The following FNDC3A variants were observed in gnomAD, a reference collection of about 807,000 sequenced individuals.
The protein encoded by FNDC3A is fibronectin type III domain containing 3A, also known as fibronectin type-III domain-containing protein 3A.
FNDC3A carries 32 observed loss-of-function variants against 148.9 expected under a neutral mutation model. The observed-to-expected ratio is 0.21, with a 90% CI of 0.16 to 0.29. The LOEUF (loss-of-function observed/expected upper bound fraction) is 0.29, where lower values mean the gene tolerates loss of function less well. Ranked by LOEUF, FNDC3A falls within the 10% of genes least tolerant of loss-of-function variation. The pLI is 1.00. For synonymous variants in FNDC3A, 472 were observed against 473.6 expected (o/e 1.00, Z 0.04); for missense variants, 1,191 against 1,452.8 (o/e 0.82, Z 2.93).
At chr13:49,013,532 A>C (rs1176552310) in intron 2 of FNDC3A, among the ~76,000 whole-genome samples, 2 of 151,460 alleles carry the variant, frequency 1.3e-5, no homozygotes, top group African/African-American at 2.4e-5. Context: ...GTATACATGT[A>C]TATACGTGTA....
chr13:49,057,496 T>G (rs575319897), intron 2 of FNDC3A, among the ~76,000 whole-genome samples: 39 of 152,300 alleles, frequency 2.6e-4, no homozygotes, highest in African/African-American at 7.7e-4. Flanking sequence ...CATTTCCTCT[T>G]TGTTCTTAGC....
At chr13:49,171,008 A>G (rs1292744230) in intron 10 of FNDC3A, among the ~76,000 whole-genome samples, 3 of 152,064 alleles carry the variant, frequency 2.0e-5, no homozygotes, top group Admixed American at 6.6e-5. Flanking sequence ...CTCTTCCTCT[A>G]TATCATAAGA....
chr13:48,992,662 A>G (rs1218243854), intron 1 of FNDC3A, among the ~76,000 whole-genome samples: 2 of 152,194 alleles, frequency 1.3e-5, no homozygotes, highest in African/African-American at 4.8e-5. Context: ...TTTATGTGTC[A>G]AAATTTATCA....
intron 23 of FNDC3A, among the ~76,000 whole-genome samples, chr13:49,200,185 T>G (rs1288647341): frequency 1.3e-5 from 2 of 152,236 alleles, no homozygotes; most frequent in Non-Finnish European, 2.9e-5. Context: ...TTCCCAAGAT[T>G]TACTTTTCTG....
rs537713519 is a variant in FNDC3A, at chr13:49,162,555, T to C, written c.978-4689T>C. Among the ~76,000 whole-genome samples the C allele has an allele frequency of 3.5e-3, 539 of 152,306 alleles. 17 individuals are homozygous for C. The highest frequency in any genetic ancestry group is 7.5e-4 in the Non-Finnish European group (51 of 68,014). ...AGCTTCCTTGTGACGGGTTCAAACA[T>C]CTTCCTTTAGCTTGGAGAAGTTTGT... On this transcript the variant is annotated intron_variant, in intron 8 of 25. Coordinates refer to ENST00000492622, the MANE Select transcript of FNDC3A (RefSeq NM_001079673.2).
At chr13:48,983,567 A>G (rs1951734345) in intron 1 of FNDC3A, among the ~76,000 whole-genome samples, 1 of 152,226 alleles carries the variant, frequency 6.6e-6, no homozygotes, top group Non-Finnish European at 1.5e-5. Flanking sequence ...ACTAGGCAGC[A>G]GACCAGATTT....
intron 2 of FNDC3A, among the ~76,000 whole-genome samples, chr13:49,047,659 A>T (rs932269001): frequency 6.6e-6 from 1 of 151,346 alleles, no homozygotes; most frequent in Non-Finnish European, 1.5e-5. Context: ...TTTCTTGCTG[A>T]TTTGTTTGAG....
chr13:49,099,346 A>C (rs182347093), intron 3 of FNDC3A, among the ~76,000 whole-genome samples: 18 of 152,216 alleles, frequency 1.2e-4, no homozygotes, highest in Non-Finnish European at 2.9e-5. Flanking sequence ...TGCCAGAAGC[A>C]AGTCTTAATT....
intron 4 of FNDC3A, among the ~76,000 whole-genome samples, chr13:49,124,716 G>A (rs1233494647): frequency 6.6e-6 from 1 of 152,160 alleles, no homozygotes; most frequent in Non-Finnish European, 1.5e-5. Context: ...GCAGAAATAT[G>A]TGCCAGTGGA....
intron 2 of FNDC3A, among the ~76,000 whole-genome samples, chr13:49,026,795 T>G (rs1156382087): frequency 6.6e-6 from 1 of 152,180 alleles, no homozygotes; most frequent in African/African-American, 2.4e-5. Context: ...AGTTTTAGAT[T>G]TGAGGTAATA....
chr13:49,162,252 C>T (rs1247515069), intron 8 of FNDC3A, among the ~76,000 whole-genome samples: 1 of 152,164 alleles, frequency 6.6e-6, no homozygotes, highest in Middle Eastern at 3.2e-3. Context: ...ACCAATGAGA[C>T]GTAGATTTGG....
intron 2 of FNDC3A, among the ~76,000 whole-genome samples, chr13:49,040,171 T>C (rs61950728): frequency 0.02 from 3,072 of 152,342 alleles, 48 homozygotes; most frequent in Middle Eastern, 0.041. Context: ...CAAAGACATG[T>C]TTTAAGCATA....
chr13:49,085,795 G>A (rs1371431995), intron 3 of FNDC3A, among the ~76,000 whole-genome samples: 2 of 151,882 alleles, frequency 1.3e-5, no homozygotes, highest in African/African-American at 2.4e-5. Context: ...AGAAAACAGA[G>A]TTTAGCTTAG....
At chr13:49,030,187 A>G (rs1874006056) in intron 2 of FNDC3A, among the ~76,000 whole-genome samples, 1 of 152,216 alleles carries the variant, frequency 6.6e-6, no homozygotes, top group Non-Finnish European at 1.5e-5. Flanking sequence ...ATTTTACTTC[A>G]TTATGTACAT....
intron 3 of FNDC3A, among the ~76,000 whole-genome samples, chr13:49,091,586 G>A (rs1879194605): frequency 1.3e-5 from 2 of 152,210 alleles, no homozygotes; most frequent in African/African-American, 4.8e-5. Flanking sequence ...CTTCAAGAAT[G>A]TCCTAGAAAG....
chr13:49,168,781 T>A (rs1327105169), intron 10 of FNDC3A, 30 bp downstream of exon 10: 3 of 1,598,320 alleles, frequency 1.9e-6, no homozygotes, highest in South Asian at 1.1e-5. Flanking sequence ...TGTTTCCAAC[T>A]GGACATGTGT....
intron 6 of FNDC3A, among the ~76,000 whole-genome samples, chr13:49,138,246 C>T (rs543943681): frequency 6.6e-5 from 10 of 152,076 alleles, no homozygotes; most frequent in Non-Finnish European, 1.5e-4. Context: ...ACCTGATCAT[C>T]GTTTTCAGCA....
At chr13:49,055,960 G>C (rs1876207223) in intron 2 of FNDC3A, among the ~76,000 whole-genome samples, 1 of 152,080 alleles carries the variant, frequency 6.6e-6, no homozygotes. Context: ...GCTGAGGCAG[G>C]ACGATCACTT....
rs147082856 is a variant in FNDC3A at position 49,208,473 on chromosome 13, T to G, written c.*1078T>G. 2.0e-5 allele frequency: 3 copies of G among 152,798 alleles called. No individual in the cohort carries two copies. Among genetic ancestry groups the G allele is most frequent in the South Asian group, 2.1e-4 (1 of 4,830 alleles). 9.5% of individuals were successfully genotyped at this position (152,798 alleles called of 1,614,324 possible). On this transcript the variant is annotated 3_prime_UTR_variant, in exon 26 of 26. Coordinates refer to ENST00000492622, the MANE Select transcript of FNDC3A (RefSeq NM_001079673.2). ...TGCACCAGTAAACTTCAAGCTGCTTTCTTTCTTGAAAACTAAACGTTTAAC... is the reference window on the plus strand; with the variant it reads ...TGCACCAGTAAACTTCAAGCTGCTTGCTTTCTTGAAAACTAAACGTTTAAC...
Sources: gnomAD v4.1 joint callset for allele counts (sites outside exome capture counted in the v4.1 genomes callset) on GRCh38, gnomAD v4.1.1 for gene constraint, MANE v1.5 for transcripts, NCBI Gene and HGNC (gene_info 2026-07-23, HGNC 2026-07-21) for gene names.